The following FAT3 variants were observed in gnomAD, a reference collection of about 807,000 sequenced individuals.
FAT3 encodes FAT atypical cadherin 3.
In FAT3, 95 loss-of-function variants were observed where a neutral mutation model predicts 310.2. The ratio of observed to expected loss-of-function variants is 0.31; its 90% confidence interval spans 0.26 to 0.36. The LOEUF is 0.36. Ranked by LOEUF, FAT3 falls within the 10% of genes least tolerant of loss-of-function variation. The pLI is 1.00. For missense variants in FAT3, 5,408 were observed against 5,715.6 expected (o/e 0.95, Z 1.74); for synonymous variants, 2,314 against 2,192.9 (o/e 1.06, Z -1.54).
intron 4 of FAT3, among the ~76,000 whole-genome samples, chr11:92,730,915 C>T (rs886068112): frequency 2.0e-5 from 3 of 152,080 alleles, no homozygotes; most frequent in Non-Finnish European, 4.4e-5. Flanking sequence ...AGAACTAAAG[C>T]AATTTCTTTA....
chr11:92,355,012 TG>T lies in FAT3; in HGVS notation c.2906del (p.Gly969ValfsTer17). On this transcript the variant is annotated frameshift_variant, in exon 2 of 28. Transcript: ENST00000525166. LOFTEE classifies it high-confidence loss of function. ...GAGACCCATGATCCAGATCTTGGAC[TG>T]GGGGGTCAAGTGCGCTATTCTTTGG... ...WLETHDPDLG[L>X]GGQVRYSLVN... The T allele has an allele frequency of 6.2e-7, 1 of 1,613,796 alleles. No individual in the cohort carries two copies. Among genetic ancestry groups the T allele is most frequent in the Non-Finnish European group, 8.5e-7 (1 of 1,179,844 alleles).
chr11:92,724,326 C>T (rs1267247996), intron 4 of FAT3, among the ~76,000 whole-genome samples: 4 of 152,118 alleles, frequency 2.6e-5, no homozygotes, highest in Non-Finnish European at 5.9e-5. Context: ...AGAGCAGCAA[C>T]TATAAAACCT....
chr11:92,512,124 T>G (rs1953311289), intron 2 of FAT3, among the ~76,000 whole-genome samples: 1 of 151,958 alleles, frequency 6.6e-6, no homozygotes, highest in African/African-American at 2.4e-5. Context: ...TCACTTAAAA[T>G]CCCCAATTTA....
rs138060661 is a variant in FAT3, at chr11:92,692,630, G to A, written c.3608-4754G>A. Among the ~76,000 whole-genome samples the A allele has an allele frequency of 4.4e-3, 667 of 152,270 alleles. 6 individuals are homozygous for A. Among genetic ancestry groups the A allele is most frequent in the African/African-American group, 0.015 (632 of 41,564 alleles). On this transcript the variant is annotated intron_variant, in intron 3 of 27. Transcript: ENST00000525166. Reference sequence around the variant, plus strand: ...CAACATGCCAGGTAAGGAAAGGTCCGAGAGGGCTTCACATAGAAAGTAACA... The same window carrying A: ...CAACATGCCAGGTAAGGAAAGGTCCAAGAGGGCTTCACATAGAAAGTAACA...
At chr11:92,431,138 G>T (rs1198537901) in intron 2 of FAT3, among the ~76,000 whole-genome samples, 3 of 152,132 alleles carry the variant, frequency 2.0e-5, no homozygotes, top group Non-Finnish European at 2.9e-5. Context: ...CAGTGTAAAA[G>T]TGTTCCTATT....
At chr11:92,559,732 C>A (rs485580) in intron 3 of FAT3, among the ~76,000 whole-genome samples, 55,290 of 152,012 alleles carry the variant, frequency 0.36, 11,440 homozygotes, top group Middle Eastern at 0.53. Flanking sequence ...AACATATAGT[C>A]TTTTGTGACT....
intron 2 of FAT3, among the ~76,000 whole-genome samples, chr11:92,425,304 G>A (rs1334950842): frequency 6.6e-6 from 1 of 151,878 alleles, no homozygotes; most frequent in Non-Finnish European, 1.5e-5. Flanking sequence ...GTCAGAGAGG[G>A]CCCAAAGATC....
rs756361575 is a variant in FAT3, at chr11:92,524,820, A to G, written c.3479A>G (p.Asn1160Ser). The stretch of plus-strand genomic sequence containing the variant: ...ATATATTATCCTGTTGTCATGGAAA[A>G]CTCTCCAAAGGACGTATCTGTCATT... ...EPIYYPVVME[N>S]SPKDVSVIQI... is the part of the protein sequence containing the mutation. Residue 1160 changes from asparagine to serine, a missense_variant, in exon 3 of 28, where the codon AAC becomes AGC. Physicochemically the swap from Asn to Ser is conservative, Grantham distance 46. Around this residue, in one of 5 missense-constraint regions of FAT3, gnomAD observed 4,588 missense variants for 4,809.8 expected, o/e 0.95. Coordinates refer to ENST00000525166, the MANE Select transcript of FAT3 (RefSeq NM_001367949.2). 75 of 1,613,016 alleles carry G rather than the reference A, an allele frequency of 4.6e-5. No homozygotes were observed. The highest frequency in any genetic ancestry group is 6.7e-5 in the Admixed American group (4 of 59,888).
At position 92,890,039 on chromosome 11, in the gene FAT3, C is replaced by T. The variant is rs75034641; in HGVS notation, c.13147+148C>T. 2.7e-3 allele frequency: 1,879 copies of T among 701,528 alleles called. 25 individuals are homozygous for T. The African/African-American group carries it at 0.029, about 11-fold the overall frequency. The allele number at this position is 701,528 out of a possible 1,614,324, so 43.5% of individuals were successfully genotyped here. A position where few individuals can be genotyped will look rare whatever the true frequency, so the allele number is the denominator to read the frequency against. On this transcript the variant is annotated intron_variant, in intron 27 of 27. Transcript: ENST00000525166. Reference sequence around the variant, plus strand: ...CGCTCAGTATTGGAGGTGAAAGCTCCACCAGCATTCCCCTCCTAGCCTCAT... The same window carrying T: ...CGCTCAGTATTGGAGGTGAAAGCTCTACCAGCATTCCCCTCCTAGCCTCAT...
intron 19 of FAT3, among the ~76,000 whole-genome samples, chr11:92,844,976 A>C (rs1948651213): frequency 1.3e-5 from 2 of 152,244 alleles, no homozygotes; most frequent in Admixed American, 1.3e-4. Context: ...GTCAAGAAAC[A>C]TACAAAGTCC....
intron 1 of FAT3, among the ~76,000 whole-genome samples, chr11:92,264,039 A>C (rs1181666533): frequency 1.3e-5 from 2 of 152,114 alleles, no homozygotes; most frequent in African/African-American, 4.8e-5. Flanking sequence ...ACCTATAGAC[A>C]TGTAGTTATA....
At chr11:92,452,746 A>G (rs1951394545) in intron 2 of FAT3, among the ~76,000 whole-genome samples, 1 of 152,038 alleles carries the variant, frequency 6.6e-6, no homozygotes, top group Admixed American at 6.6e-5. Flanking sequence ...AGTGATCCTA[A>G]TTTGGTATCC....
intron 3 of FAT3, among the ~76,000 whole-genome samples, chr11:92,528,221 C>T (rs549537540): frequency 7.2e-5 from 11 of 152,256 alleles, no homozygotes; most frequent in African/African-American, 2.6e-4. Context: ...TTTAGTAATT[C>T]CTGTGGCTTA....
intron 3 of FAT3, among the ~76,000 whole-genome samples, chr11:92,649,713 A>G (rs1224119977): frequency 6.6e-6 from 1 of 151,896 alleles, no homozygotes; most frequent in Non-Finnish European, 1.5e-5. Context: ...CTTCCATCCT[A>G]ATTTAAAGCC....
rs534595116 is a variant in FAT3 at position 92,453,489 on chromosome 11, T to C, written c.3293-71145T>C. ...ACTAGAACCATTTTCCAATTTTTTT[T>C]TTTTGTAAAAAAGAAAGAAAAGAAT... On this transcript the variant is annotated intron_variant, in intron 2 of 27. Transcript: ENST00000525166. Among the ~76,000 whole-genome samples, 4 of 152,262 alleles carry C rather than the reference T, an allele frequency of 2.6e-5. No individual in the cohort carries two copies. The East Asian group carries it at 7.7e-4, about 29-fold the overall frequency.
At chr11:92,677,215 C>G (rs1295306144) in intron 3 of FAT3, among the ~76,000 whole-genome samples, 1 of 152,194 alleles carries the variant, frequency 6.6e-6, no homozygotes, top group Non-Finnish European at 1.5e-5. Context: ...GCCTCTCTTA[C>G]CAAAAGCCAC....
At chr11:92,771,950 GC>G (rs1591712009) in intron 6 of FAT3, among the ~76,000 whole-genome samples, 2 of 152,218 alleles carry the variant, frequency 1.3e-5, no homozygotes, top group East Asian at 3.9e-4. Context: ...AAATTGGACT[GC>G]CCCATTTAAA....
At chr11:92,288,905 G>A (rs1004493175) in intron 1 of FAT3, among the ~76,000 whole-genome samples, 25 of 152,150 alleles carry the variant, frequency 1.6e-4, no homozygotes, top group South Asian at 4.2e-4. Context: ...AACCTGATCC[G>A]GAAAAAAGAA....
At chr11:92,645,459 A>G (rs1459111194) in intron 3 of FAT3, among the ~76,000 whole-genome samples, 1 of 150,646 alleles carries the variant, frequency 6.6e-6, no homozygotes, top group African/African-American at 2.5e-5. Flanking sequence ...AAGTTTTAGG[A>G]CTCCAAAGGC....
Sources: gnomAD v4.1 joint callset for allele counts (sites outside exome capture counted in the v4.1 genomes callset) on GRCh38, gnomAD v4.1.1 for gene constraint, gnomAD v4.1.1 regional missense constraint, MANE v1.5 for transcripts, NCBI Gene and HGNC (gene_info 2026-07-23, HGNC 2026-07-21) for gene names.